RAB11FIP5: variants seen among roughly 807,000 people sequenced by gnomAD.
RAB11FIP5 encodes the protein rab11 family-interacting protein 5.
RAB11FIP5 carries 48 observed loss-of-function variants against 85.1 expected under a neutral mutation model. The observed-to-expected ratio is 0.56, with a 90% CI of 0.45 to 0.72. The LOEUF is 0.72. Among genes scored for constraint, RAB11FIP5 ranks in the 30% least tolerant of loss-of-function variants. The pLI is 0.00. For synonymous variants in RAB11FIP5, 729 were observed against 727.3 expected (o/e 1.00, Z -0.04); for missense variants, 1,491 against 1,687.0 (o/e 0.88, Z 2.04).
In RAB11FIP5 at chr2:73,078,129, C is replaced by T. The variant is rs548737537; in HGVS notation, c.3581+1522G>A. 3.3e-5 allele frequency among the ~76,000 whole-genome samples: 5 copies of T among 152,344 alleles called. No individual in the cohort carries two copies. Among genetic ancestry groups the T allele is most frequent in the Admixed American group, 2.0e-4 (3 of 15,304 alleles). On this transcript the variant is annotated intron_variant, in intron 4 of 5. Transcript: ENST00000486777. The surrounding 1 kb of genome is among the most constrained non-coding windows in gnomAD (Gnocchi z 4.4). ...ATAAAAGCAGCTCTAATGCCACCTG[C>T]GGGCTGTGCCAGGGAAGGGGAGGAT...
In RAB11FIP5 at chr2:73,079,768, G is replaced by A; in HGVS notation, c.3464C>T (p.Pro1155Leu). ...AAGTAGGGCAGGGGAGCCCCCAGGTGGGGAGGGCTCATGGGGGCCAGGGAG... is the reference window on the plus strand; with the variant it reads ...AAGTAGGGCAGGGGAGCCCCCAGGTAGGGAGGGCTCATGGGGGCCAGGGAG... ...ALLPGPHEPSPPGGSPALLRE... is the reference protein window; with the variant it reads ...ALLPGPHEPSLPGGSPALLRE... The change falls in exon 4 of 6, where the codon CCA (proline) becomes CTA (leucine). Residue 1155 changes from proline to leucine, a missense_variant. By Grantham distance (98) the Pro-to-Leu change is moderately conservative. This residue lies in a region of RAB11FIP5 where 232 missense variants were observed against 259.1 expected (regional missense o/e 0.90). Coordinates refer to ENST00000486777, the MANE Select transcript of RAB11FIP5 (RefSeq NM_001371272.1). 8.9e-6 allele frequency: 11 copies of A among 1,232,544 alleles called. No individual in the cohort carries two copies. The highest frequency in any genetic ancestry group is 1.1e-5 in the Non-Finnish European group (11 of 988,260). The allele number at this position is 1,232,544 out of a possible 1,614,324, so 76.4% of individuals were successfully genotyped here. A position where few individuals can be genotyped will look rare whatever the true frequency, so the allele number is the denominator to read the frequency against.
At chr2:73,111,968 C>A (rs183061786) in intron 1 of RAB11FIP5, among the ~76,000 whole-genome samples, 1 of 152,152 alleles carries the variant, frequency 6.6e-6, no homozygotes, top group African/African-American at 2.4e-5. Flanking sequence ...CCCGCAGTTC[C>A]CCTCCCCTTT....
chr2:73,099,239 G>A (rs1410390093), intron 1 of RAB11FIP5, among the ~76,000 whole-genome samples: 1 of 152,068 alleles, frequency 6.6e-6, no homozygotes, highest in South Asian at 2.1e-4. Context: ...TAGTAGAGAC[G>A]TGGTTTCACC....
At chr2:73,102,912 A>C (rs1684456611) in intron 1 of RAB11FIP5, among the ~76,000 whole-genome samples, 1 of 152,206 alleles carries the variant, frequency 6.6e-6, no homozygotes, top group Admixed American at 6.5e-5. Context: ...AAAATCATGC[A>C]GTTAAAGACA....
chr2:73,083,224 G>T lies in RAB11FIP5; in HGVS notation c.1569-1561C>A, dbSNP rs192423934. On this transcript the variant is annotated intron_variant, in intron 3 of 5. Coordinates refer to ENST00000486777, the MANE Select transcript of RAB11FIP5 (RefSeq NM_001371272.1). ...AGCATGAGCTGTCTGGAGCTTGCCC[G>T]GATTCTCCCAGGAACCCAGGGCCCA... 4.3e-3 allele frequency among the ~76,000 whole-genome samples: 651 copies of T among 152,292 alleles called. 3 individuals carry two copies. Among genetic ancestry groups the T allele is most frequent in the Middle Eastern group, 0.017 (5 of 294 alleles).
At position 73,112,497 on chromosome 2, in the gene RAB11FIP5, C is replaced by G; in HGVS notation, c.281G>C (p.Gly94Ala). 1.3e-6 allele frequency: 2 copies of G among 1,491,252 alleles called. No individual in the cohort carries two copies. The highest frequency in any genetic ancestry group is 1.8e-6 in the Non-Finnish European group (2 of 1,123,852). 92.4% of individuals were successfully genotyped at this position (1,491,252 alleles called of 1,614,324 possible). A position where few individuals can be genotyped will look rare whatever the true frequency, so the allele number is the denominator to read the frequency against. Reference protein sequence around the residue: ...GLLRAQEADAGPAPWAASSAA... With the variant: ...GLLRAQEADAAPAPWAASSAA... ...GGAGCTCGCGGCCCAGGGCGCCGGGCCCGCGTCGGCCTCCTGCGCCCGCAG... is the reference window on the plus strand; with the variant it reads ...GGAGCTCGCGGCCCAGGGCGCCGGGGCCGCGTCGGCCTCCTGCGCCCGCAG... Residue 94 changes from glycine (G) to alanine (A), a missense_variant, in exon 1 of 6, where the codon GGC becomes GCC. Gly to Ala is a moderately conservative substitution (Grantham distance 60). This residue lies in a region of RAB11FIP5 where 1,211 missense variants were observed against 1,338.0 expected (regional missense o/e 0.91). Coordinates refer to ENST00000486777, the MANE Select transcript of RAB11FIP5 (RefSeq NM_001371272.1).
In RAB11FIP5 at chr2:73,075,968, G is replaced by A. The variant is rs1683850976; in HGVS notation, c.3771+25C>T. ...ACTCCACCACACATTCTGTCAGATGGCCCCCACACCCTGCTGGGCCTTACC... is the reference window on the plus strand; with the variant it reads ...ACTCCACCACACATTCTGTCAGATGACCCCCACACCCTGCTGGGCCTTACC... On this transcript the variant is annotated intron_variant, in intron 5 of 5. Coordinates refer to ENST00000486777, the MANE Select transcript of RAB11FIP5 (RefSeq NM_001371272.1). The surrounding 1 kb of genome is among the most constrained non-coding windows in gnomAD (Gnocchi z 4.6). 2 of 1,597,006 alleles carry A rather than the reference G, an allele frequency of 1.3e-6. No homozygotes were observed. The highest frequency in any genetic ancestry group is 4.5e-5 in the East Asian group (2 of 44,524).
rs960429795 is a variant in RAB11FIP5 at position 73,079,987 on chromosome 2, G to A, written c.3245C>T (p.Pro1082Leu). The A allele has an allele frequency of 2.9e-5, 36 of 1,232,110 alleles. No individual in the cohort carries two copies. Among genetic ancestry groups the A allele is most frequent in the Admixed American group, 4.2e-5 (1 of 23,706 alleles). The allele number at this position is 1,232,110 out of a possible 1,614,324, so 76.3% of individuals were successfully genotyped here. The change falls in exon 4 of 6, where the codon CCG becomes CTG. Residue 1082 changes from proline to leucine, a missense_variant. By Grantham distance (98) the Pro-to-Leu change is moderately conservative. Transcript: ENST00000486777. ...RDPPSLSSAS[P>L]PGSRESSIHS... is the part of the protein sequence containing the mutation. ...AATAGAAGATTCCCTCGACCCTGGC[G>A]GGGATGCAGATGAGAGGCTGGGAGG...
chr2:73,097,700 T>C (rs995511283), intron 1 of RAB11FIP5, among the ~76,000 whole-genome samples: 36 of 152,204 alleles, frequency 2.4e-4, no homozygotes, highest in Non-Finnish European at 5.9e-5. Context: ...CAGGAGCCTT[T>C]GGAGGGCAGG....
At chr2:73,098,672 C>A (rs748796239) in intron 1 of RAB11FIP5, among the ~76,000 whole-genome samples, 3 of 152,182 alleles carry the variant, frequency 2.0e-5, no homozygotes, top group Non-Finnish European at 2.9e-5. Flanking sequence ...CCCCCGCATC[C>A]AGGAACCCCC....
At chr2:73,096,011 C>A (rs1320224306) in intron 1 of RAB11FIP5, among the ~76,000 whole-genome samples, 1 of 152,216 alleles carries the variant, frequency 6.6e-6, no homozygotes, top group Non-Finnish European at 1.5e-5. Context: ...TCCTGAGAGG[C>A]TGGGACCACA....
Position 73,088,443 on chromosome 2 carries a change from C to T in RAB11FIP5, c.1175G>A (p.Arg392His), listed in dbSNP as rs758741352. 11 of 1,613,770 alleles carry T rather than the reference C, an allele frequency of 6.8e-6. No individual in the cohort carries two copies. Among genetic ancestry groups the T allele is most frequent in the African/African-American group, 4.0e-5 (3 of 74,946 alleles). Reference protein sequence around the residue: ...STDDTWPRGSRSNSSSEAVLG... With the variant: ...STDDTWPRGSHSNSSSEAVLG... ...CACTGCCTCTGAGCTGCTGTTGCTACGACTGCCTCTGGGCCAGGTGTCATC... is the reference window on the plus strand; with the variant it reads ...CACTGCCTCTGAGCTGCTGTTGCTATGACTGCCTCTGGGCCAGGTGTCATC... Residue 392 changes from arginine (R) to histidine (H), a missense_variant, in exon 3 of 6, where the codon CGT becomes CAT. Transcript: ENST00000486777.
intron 1 of RAB11FIP5, among the ~76,000 whole-genome samples, chr2:73,094,752 A>T (rs1358151110): frequency 6.6e-6 from 1 of 152,174 alleles, no homozygotes; most frequent in Non-Finnish European, 1.5e-5. Flanking sequence ...TCTCCTGCCC[A>T]GTAAGGCTTG....
At chr2:73,101,745 C>T (rs560250190) in intron 1 of RAB11FIP5, among the ~76,000 whole-genome samples, 25 of 152,222 alleles carry the variant, frequency 1.6e-4, no homozygotes, top group African/African-American at 5.8e-4. Flanking sequence ...ATCAGCCCAC[C>T]CGCTCACCAC....
In RAB11FIP5 at chr2:73,085,857, A is replaced by G. The variant is rs1684082876; in HGVS notation, c.1568+2193T>C. On this transcript the variant is annotated intron_variant, in intron 3 of 5. Coordinates refer to ENST00000486777, the MANE Select transcript of RAB11FIP5 (RefSeq NM_001371272.1). ...TAGTGAGGAACATCCCACAATCTGC[A>G]ATGGTAGCCCCAAGGCAGAGGCCCC... Among the ~76,000 whole-genome samples, 3 of 152,104 alleles carry G rather than the reference A, an allele frequency of 2.0e-5. No homozygotes were observed. In the South Asian group the frequency reaches 6.2e-4, roughly 31 times the overall value.
At chr2:73,095,612 C>T (rs1684303662) in intron 1 of RAB11FIP5, among the ~76,000 whole-genome samples, 1 of 152,184 alleles carries the variant, frequency 6.6e-6, no homozygotes. Context: ...ATGGGAGGCC[C>T]ATTTTACAGA....
Position 73,080,078 on chromosome 2 carries a change from G to A in RAB11FIP5, c.3154C>T (p.Gln1052Ter), listed in dbSNP as rs1559232568. 8.1e-7 allele frequency: 1 copy of A among 1,232,206 alleles called. No individual in the cohort carries two copies. Among genetic ancestry groups the A allele is most frequent in the Non-Finnish European group, 1.0e-6 (1 of 987,994 alleles). 76.3% of individuals were successfully genotyped at this position (1,232,206 alleles called of 1,614,324 possible). Residue 1052 changes from glutamine to a stop codon, truncating the protein, a stop_gained, in exon 4 of 6, where the codon CAG becomes TAG. Coordinates refer to ENST00000486777, the MANE Select transcript of RAB11FIP5 (RefSeq NM_001371272.1). LOFTEE classifies it high-confidence loss of function. ...TCCTTGGAGACCCACACATCAGCCT[G>A]CTGGGAGGTGGCTGACAAGGACCCA... Reference protein sequence around the residue: ...GLGSLSATSQQADVWVSKEDA... With the variant: ...GLGSLSATSQ
In RAB11FIP5 at chr2:73,081,024, G is replaced by A. The variant is rs1386588585; in HGVS notation, c.2208C>T (p.Ser736=). 2.6e-5 allele frequency: 32 copies of A among 1,232,306 alleles called. No homozygotes were observed. The highest frequency in any genetic ancestry group is 1.2e-4 in the South Asian group (3 of 24,326). 76.3% of individuals were successfully genotyped at this position (1,232,306 alleles called of 1,614,324 possible). A position where few individuals can be genotyped will look rare whatever the true frequency, so the allele number is the denominator to read the frequency against. The change falls in exon 4 of 6, where the codon AGC becomes AGT. Residue 736 remains serine (S), a synonymous_variant. Transcript: ENST00000486777. This position sits in a 1 kb window ranked among gnomAD's most constrained non-coding sequence, Gnocchi z 4.2. The part of the protein sequence containing the change: ...LDLGPNHQSA[S]AADPGLLGSV... The stretch of plus-strand genomic sequence containing the variant: ...ACCCGAGGAGCCCTGGGTCAGCCGC[G>A]CTCGCGCTCTGGTGGTTCGGTCCCA...
At chr2:73,106,104 C>G (rs942594328) in intron 1 of RAB11FIP5, among the ~76,000 whole-genome samples, 9 of 152,188 alleles carry the variant, frequency 5.9e-5, no homozygotes, top group African/African-American at 2.2e-4. Flanking sequence ...CTCTCCGTGC[C>G]AAGGTTTCCT....
Sources: gnomAD v4.1 joint callset for allele counts (sites outside exome capture counted in the v4.1 genomes callset) on GRCh38, gnomAD v4.1.1 for gene constraint, gnomAD v4.1.1 regional missense constraint, Gnocchi (gnomAD v3.1) non-coding constraint, MANE v1.5 for transcripts, NCBI Gene and HGNC (gene_info 2026-07-23, HGNC 2026-07-21) for gene names.